The following NRG1 variants were observed in gnomAD, a reference collection of about 807,000 sequenced individuals.
NRG1 encodes the protein neuregulin 1.
Under a neutral mutation model 63.8 loss-of-function variants are expected in NRG1, and 18 were observed. The observed-to-expected ratio is 0.28, with a 90% CI of 0.19 to 0.42. The LOEUF is 0.42. NRG1 is among the 10% of genes least tolerant of loss of function. The pLI, the probability that NRG1 is intolerant of heterozygous loss-of-function variation, is 1.00. For synonymous variants in NRG1, 302 were observed against 301.3 expected (o/e 1.00, Z -0.02); for missense variants, 762 against 814.7 (o/e 0.94, Z 0.79).
intron 1 of NRG1, among the ~76,000 whole-genome samples, chr8:31,797,362 T>A (rs1484934261): frequency 6.6e-6 from 1 of 152,206 alleles, no homozygotes; most frequent in Non-Finnish European, 1.5e-5. Flanking sequence ...TAGATGCTTG[T>A]TTAGTCACCA....
chr8:32,538,513 A>G (rs1299408420), intron 1 of NRG1, among the ~76,000 whole-genome samples: 1 of 152,210 alleles, frequency 6.6e-6, no homozygotes, highest in Non-Finnish European at 1.5e-5. Flanking sequence ...GGGACATCAA[A>G]ATGTAATGAC....
At chr8:32,307,897 G>C (rs896156080) in intron 1 of NRG1, among the ~76,000 whole-genome samples, 2 of 152,094 alleles carry the variant, frequency 1.3e-5, no homozygotes, top group African/African-American at 4.8e-5. Flanking sequence ...AGCGCAAATT[G>C]TGCAACCTCT....
At chr8:32,099,146 G>T (rs1043377112) in intron 1 of NRG1, among the ~76,000 whole-genome samples, 5 of 152,196 alleles carry the variant, frequency 3.3e-5, no homozygotes, top group Non-Finnish European at 1.5e-5. Context: ...GCTTGCTGGG[G>T]ATTTTATGGG....
intron 1 of NRG1, among the ~76,000 whole-genome samples, chr8:31,855,634 T>C (rs1200813014): frequency 6.6e-6 from 1 of 152,198 alleles, no homozygotes; most frequent in African/African-American, 2.4e-5. Context: ...TATTGTTATG[T>C]GTGAATTTGA....
intron 5 of NRG1, among the ~76,000 whole-genome samples, chr8:32,674,818 A>C (rs1806631802): frequency 6.6e-6 from 1 of 152,154 alleles, no homozygotes; most frequent in Non-Finnish European, 1.5e-5. Context: ...TAAAACTAGG[A>C]CTCAGAGATG....
intron 1 of NRG1, among the ~76,000 whole-genome samples, chr8:32,527,991 A>G (rs1417033158): frequency 6.6e-6 from 1 of 152,138 alleles, no homozygotes; most frequent in Non-Finnish European, 1.5e-5. Context: ...TGACTGGTAC[A>G]TGTGCCGTTC....
intron 1 of NRG1, among the ~76,000 whole-genome samples, chr8:32,131,426 A>T (rs774573708): frequency 4.6e-5 from 7 of 152,108 alleles, no homozygotes; most frequent in South Asian, 2.1e-4. Context: ...TATATTTTTC[A>T]TCTTCATGTT....
intron 1 of NRG1, among the ~76,000 whole-genome samples, chr8:32,352,963 C>T (rs1627277): frequency 0.022 from 3,323 of 148,492 alleles, 84 homozygotes; most frequent in African/African-American, 0.057. Context: ...TATATATATA[C>T]AGAGAGAGAG....
chr8:32,707,506 C>A (rs909151701), intron 5 of NRG1, among the ~76,000 whole-genome samples: 1 of 152,002 alleles, frequency 6.6e-6, no homozygotes, highest in African/African-American at 2.4e-5. Flanking sequence ...AAACTGTTAC[C>A]TTTAACTATT....
At chr8:32,156,276 T>C (rs1177590598) in intron 1 of NRG1, among the ~76,000 whole-genome samples, 6 of 152,250 alleles carry the variant, frequency 3.9e-5, no homozygotes, top group African/African-American at 1.2e-4. Context: ...TTTGTACTGA[T>C]GGTCATGTTC....
At chr8:31,769,465 T>C (rs1294855833) in intron 1 of NRG1, among the ~76,000 whole-genome samples, 1 of 152,192 alleles carries the variant, frequency 6.6e-6, no homozygotes, top group Admixed American at 6.5e-5. Flanking sequence ...ACTAGAACTA[T>C]GGCAGCCCAT....
chr8:31,755,341 G>T (rs985113821), intron 1 of NRG1, among the ~76,000 whole-genome samples: 17 of 152,032 alleles, frequency 1.1e-4, no homozygotes, highest in Admixed American at 7.2e-4. Flanking sequence ...CTTTAAGAAG[G>T]TATTTTATAA....
chr8:32,379,190 T>C (rs565652602), intron 1 of NRG1, among the ~76,000 whole-genome samples: 5 of 152,254 alleles, frequency 3.3e-5, no homozygotes, highest in African/African-American at 9.6e-5. Context: ...GACAGATTTT[T>C]TTCTGAAGAG....
chr8:32,103,494 T>A (rs1830837092), intron 1 of NRG1, among the ~76,000 whole-genome samples: 1 of 152,238 alleles, frequency 6.6e-6, no homozygotes, highest in South Asian at 2.1e-4. Flanking sequence ...GCAACAAACA[T>A]GGATGTGCAG....
At chr8:32,355,224 C>T (rs539629620) in intron 1 of NRG1, among the ~76,000 whole-genome samples, 7 of 152,058 alleles carry the variant, frequency 4.6e-5, no homozygotes, top group East Asian at 1.9e-4. Flanking sequence ...TTTGGGTGGC[C>T]GAGATGGGCA....
chr8:31,644,932 T>C (rs1329679653), intron 1 of NRG1, among the ~76,000 whole-genome samples: 1 of 152,144 alleles, frequency 6.6e-6, no homozygotes, highest in Non-Finnish European at 1.5e-5. Flanking sequence ...TATAGATAAA[T>C]GATAATGAAA....
At chr8:32,401,787 A>T (rs761515241) in intron 1 of NRG1, among the ~76,000 whole-genome samples, 9 of 152,202 alleles carry the variant, frequency 5.9e-5, no homozygotes, top group Non-Finnish European at 7.4e-5. Flanking sequence ...ATCAGGTACT[A>T]TGCTTCATAC....
intron 1 of NRG1, chr8:32,220,787 G>A (rs1357963307): frequency 6.6e-6 from 1 of 152,258 alleles, no homozygotes; most frequent in Non-Finnish European, 1.5e-5. Context: ...TCCCCGCGCA[G>A]CGGAGGAGCT....
At chr8:32,286,925 A>G (rs888752868) in intron 1 of NRG1, among the ~76,000 whole-genome samples, 37 of 152,302 alleles carry the variant, frequency 2.4e-4, no homozygotes, top group African/African-American at 8.4e-4. Flanking sequence ...TGAACCCGGG[A>G]GGCAGAGGTT....
Sources: allele counts gnomAD v4.1 joint callset (sites outside exome capture counted in the v4.1 genomes callset), GRCh38; gene constraint gnomAD v4.1.1; transcripts MANE v1.5; gene names NCBI Gene and HGNC (gene_info 2026-07-23, HGNC 2026-07-21).